Variants in FAM83F observed in about 807,000 individuals in gnomAD.
The protein encoded by FAM83F is protein FAM83F.
A neutral mutation model predicts 42.9 loss-of-function variants in FAM83F; 45 were observed. That is an observed-to-expected ratio of 1.05 (90% CI 0.83 to 1.35). The LOEUF (loss-of-function observed/expected upper bound fraction) is 1.35. FAM83F is among the 40% of genes most tolerant of loss of function. The pLI, the probability that FAM83F is intolerant of heterozygous loss-of-function variation, is 0.00. For missense variants in FAM83F, 617 were observed against 695.9 expected, an observed-to-expected ratio of 0.89 and a Z score of 1.28; for synonymous variants, 306 against 298.3, an observed-to-expected ratio of 1.03 and a Z score of -0.27.
rs2067366251 is a variant in FAM83F, at chr22:39,995,093, G to C, written c.51G>C (p.Lys17Asn). ...NCLDEAHVNEKVTEAQAAFYY... is the reference protein window; with the variant it reads ...NCLDEAHVNENVTEAQAAFYY... ...TGGACGAGGCGCACGTGAACGAGAAGGTGACCGAGGCGCAGGCCGCCTTCT... is the reference window on the plus strand; with the variant it reads ...TGGACGAGGCGCACGTGAACGAGAACGTGACCGAGGCGCAGGCCGCCTTCT... The change falls in exon 1 of 5, where the codon AAG becomes AAC. Residue 17 changes from lysine (K) to asparagine (N), a missense_variant. Coordinates refer to ENST00000333407, the MANE Select transcript of FAM83F (RefSeq NM_138435.4). This position sits in a 1 kb window ranked among gnomAD's most constrained non-coding sequence, Gnocchi z 4.6. 1 of 1,355,528 alleles carries C rather than the reference G, an allele frequency of 7.4e-7. No homozygotes were observed. Among genetic ancestry groups the C allele is most frequent in the Non-Finnish European group, 9.4e-7 (1 of 1,062,130 alleles). 84.0% of individuals were successfully genotyped at this position (1,355,528 alleles called of 1,614,324 possible). A position where few individuals can be genotyped will look rare whatever the true frequency, so the allele number is the denominator to read the frequency against.
rs1024444627 is a variant in FAM83F at position 39,995,636 on chromosome 22, C to G, written c.489+105C>G. The stretch of plus-strand genomic sequence containing the variant: ...CCCGGGGCAGGCCGCCCTGAGCACC[C>G]TCTGGAAAATGGGCCCCAACCCGCC... On this transcript the variant is annotated intron_variant, in intron 1 of 4. Coordinates refer to ENST00000333407, the MANE Select transcript of FAM83F (RefSeq NM_138435.4). This position sits in a 1 kb window ranked among gnomAD's most constrained non-coding sequence, Gnocchi z 4.6. 1.5e-5 allele frequency: 21 copies of G among 1,431,270 alleles called. No homozygotes were observed. Among genetic ancestry groups the G allele is most frequent in the Non-Finnish European group, 1.7e-5 (19 of 1,093,868 alleles). 88.7% of individuals were successfully genotyped at this position (1,431,270 alleles called of 1,614,324 possible).
Position 39,995,199 on chromosome 22 carries a change from G to T in FAM83F, c.157G>T (p.Glu53Ter), listed in dbSNP as rs1437047525. ...GGCCTACCGCGAGCGGCTCAAGGAG[G>T]AGCAGCTGCGGGACTTCCTCTCCAG... ...EQAYRERLKE[E>*]QLRDFLSSPE... The change falls in exon 1 of 5, where the codon GAG (glutamate) becomes TAG (stop). Residue 53 changes from glutamate (E) to a stop codon, truncating the protein, a stop_gained. Coordinates refer to ENST00000333407, the MANE Select transcript of FAM83F (RefSeq NM_138435.4). LOFTEE classifies it high-confidence loss of function. The surrounding 1 kb of genome is among the most constrained non-coding windows in gnomAD (Gnocchi z 4.6). 2 of 1,527,450 alleles carry T rather than the reference G, an allele frequency of 1.3e-6. No individual in the cohort carries two copies. The highest frequency in any genetic ancestry group is 2.4e-5 in the South Asian group (2 of 83,104). The allele number at this position is 1,527,450 out of a possible 1,614,324, so 94.6% of individuals were successfully genotyped here.
At position 40,037,096 on chromosome 22, in the gene FAM83F, G is replaced by A. The variant is rs1024949868; in HGVS notation, c.*7531G>A. 6.6e-6 allele frequency: 1 copy of A among 152,232 alleles called. No homozygotes were observed. The highest frequency in any genetic ancestry group is 1.5e-5 in the Non-Finnish European group (1 of 68,056). 9.4% of individuals were successfully genotyped at this position (152,232 alleles called of 1,614,324 possible). A position where few individuals can be genotyped will look rare whatever the true frequency, so the allele number is the denominator to read the frequency against. On this transcript the variant is annotated 3_prime_UTR_variant, in exon 5 of 5. Transcript: ENST00000333407. ...CTTTTAATATGCAAAAACCGGCCAG[G>A]TGCGGTGGCTCATGCCTGTGACCTC... is the stretch of plus-strand genomic sequence containing the variant.
intron 4 of FAM83F, among the ~76,000 whole-genome samples, chr22:40,022,970 G>T (rs1265276479): frequency 6.6e-6 from 1 of 152,232 alleles, no homozygotes; most frequent in Non-Finnish European, 1.5e-5. Context: ...CACTGCTTTG[G>T]AGTCTGACAC....
chr22:40,019,020 G>A, intron 1 of FAM83F, 148 bp from the exon 2 acceptor site: 1 of 878,372 alleles, frequency 1.1e-6, no homozygotes, highest in Non-Finnish European at 1.8e-6. Flanking sequence ...TCAAAGATCG[G>A]GGGACGTGGA....
At chr22:40,014,212 C>T (rs2067482803) in intron 1 of FAM83F, among the ~76,000 whole-genome samples, 1 of 145,720 alleles carries the variant, frequency 6.9e-6, no homozygotes, top group Non-Finnish European at 1.5e-5. Flanking sequence ...AGTGAGTATC[C>T]TTCACTTGCC....
chr22:40,024,773 T>C (rs2067541640), intron 4 of FAM83F, among the ~76,000 whole-genome samples: 1 of 151,968 alleles, frequency 6.6e-6, no homozygotes, highest in South Asian at 2.1e-4. Context: ...AGAGAAAAAA[T>C]AGAAAAAGCT....
chr22:40,019,860 G>T, intron 2 of FAM83F, 27 bp from the exon 3 acceptor site: 1 of 1,593,244 alleles, frequency 6.3e-7, no homozygotes, highest in South Asian at 1.1e-5. Flanking sequence ...CAACCCAGGT[G>T]ACAGGGCCTT....
In FAM83F at chr22:40,038,583, G is replaced by C. The variant is rs934272448; in HGVS notation, c.*9018G>C. On this transcript the variant is annotated 3_prime_UTR_variant, in exon 5 of 5. Coordinates refer to ENST00000333407, the MANE Select transcript of FAM83F (RefSeq NM_138435.4). The stretch of plus-strand genomic sequence containing the variant: ...CGAGTGCTCCTAAGGCAGGGAGGGG[G>C]CTGCCTTCACTATGGGTGCTCAGGA... 6.6e-6 allele frequency: 1 copy of C among 152,314 alleles called. No individual in the cohort carries two copies. The highest frequency in any genetic ancestry group is 1.5e-5 in the Non-Finnish European group (1 of 68,110). 9.4% of individuals were successfully genotyped at this position (152,314 alleles called of 1,614,324 possible).
rs759646431 is a variant in FAM83F, at chr22:40,031,617, G to A, written c.*2052G>A. The A allele has an allele frequency of 6.6e-6, 1 of 152,260 alleles. No individual in the cohort carries two copies. Among genetic ancestry groups the A allele is most frequent in the Non-Finnish European group, 1.5e-5 (1 of 68,062 alleles). 9.4% of individuals were successfully genotyped at this position (152,260 alleles called of 1,614,324 possible). Reference sequence around the variant, plus strand: ...TTCCTTTCTGCCTCAGTTTCTCCATGTGCCAAGATGGCGTTTTTCACACTT... The same window carrying A: ...TTCCTTTCTGCCTCAGTTTCTCCATATGCCAAGATGGCGTTTTTCACACTT... On this transcript the variant is annotated 3_prime_UTR_variant, in exon 5 of 5. Transcript: ENST00000333407.
intron 1 of FAM83F, among the ~76,000 whole-genome samples, chr22:40,000,055 T>G (rs2067391300): frequency 6.6e-6 from 1 of 152,202 alleles, no homozygotes. Flanking sequence ...CGAACAGTGC[T>G]CTGACTGTCA....
intron 2 of FAM83F, 134 bp from the exon 3 acceptor site, chr22:40,019,753 A>C: frequency 7.9e-7 from 1 of 1,271,020 alleles, no homozygotes; most frequent in Admixed American, 2.6e-5. Context: ...GGCTGTAGGA[A>C]GCAGAGCGTC....
rs2067369230 is a variant in FAM83F, at chr22:39,995,419, C to G, written c.377C>G (p.Thr126Ser). 1.3e-6 allele frequency: 2 copies of G among 1,551,278 alleles called. No homozygotes were observed. The highest frequency in any genetic ancestry group is 3.9e-5 in the Admixed American group (2 of 51,272). ...CCTCTGGACCTGGGCTGGACGGACA[C>G]TGGTTTCTACCGCGGCGTGAGCCGG... ...VPPLDLGWTD[T>S]GFYRGVSRVT... The change falls in exon 1 of 5, where the codon ACT becomes AGT. Residue 126 changes from threonine to serine, a missense_variant. By Grantham distance (58) the Thr-to-Ser change is moderately conservative. Coordinates refer to ENST00000333407, the MANE Select transcript of FAM83F (RefSeq NM_138435.4). The surrounding 1 kb of genome is among the most constrained non-coding windows in gnomAD (Gnocchi z 4.6).
chr22:39,998,987 C>T (rs924614348), intron 1 of FAM83F: 9 of 152,174 alleles, frequency 5.9e-5, no homozygotes, highest in African/African-American at 2.2e-4. Context: ...GTAAGGGGAC[C>T]AATCTGGATA....
chr22:40,015,966 T>C (rs1041010499), intron 1 of FAM83F, among the ~76,000 whole-genome samples: 2 of 152,152 alleles, frequency 1.3e-5, no homozygotes, highest in East Asian at 1.9e-4. Context: ...ATTATCACAA[T>C]ATCAACCTCA....
At chr22:40,020,864 A>C (rs990341855) in intron 3 of FAM83F, among the ~76,000 whole-genome samples, 1 of 152,230 alleles carries the variant, frequency 6.6e-6, no homozygotes, top group African/African-American at 2.4e-5. Context: ...GAACCAATAC[A>C]GAGTAGAATA....
chr22:39,997,228 G>A (rs2067376862), intron 1 of FAM83F, among the ~76,000 whole-genome samples: 1 of 152,224 alleles, frequency 6.6e-6, no homozygotes, highest in African/African-American at 2.4e-5. Context: ...GTCCGATTAA[G>A]CAAGGGGTTT....
At chr22:40,014,019 C>T (rs2067481032) in intron 1 of FAM83F, among the ~76,000 whole-genome samples, 1 of 150,880 alleles carries the variant, frequency 6.6e-6, no homozygotes, top group Middle Eastern at 3.2e-3. Context: ...GCTGAATTCT[C>T]TTATTAATTC....
chr22:40,019,705 G>A (rs9611246), intron 2 of FAM83F, among the ~76,000 whole-genome samples, 182 bp from the exon 3 acceptor site: 41,242 of 152,044 alleles, frequency 0.27, 5,843 homozygotes, highest in South Asian at 0.41. Flanking sequence ...AAGATTTGGG[G>A]ACTTCTTCCT....
Sources: allele counts gnomAD v4.1 joint callset (sites outside exome capture counted in the v4.1 genomes callset), GRCh38; gene constraint gnomAD v4.1.1; non-coding constraint Gnocchi (gnomAD v3.1); transcripts MANE v1.5; gene names NCBI Gene and HGNC (gene_info 2026-07-23, HGNC 2026-07-21).